The following INPP5F variants were observed in gnomAD, a reference collection of about 807,000 sequenced individuals.
INPP5F encodes the protein inositol polyphosphate-5-phosphatase F.
In INPP5F, 97 loss-of-function variants were observed where a neutral mutation model predicts 137.2. The ratio of observed to expected loss-of-function variants is 0.71; its 90% CI spans 0.60 to 0.84. The LOEUF (loss-of-function observed/expected upper bound fraction) is 0.84, where lower values mean the gene tolerates loss of function less well. Among genes scored for constraint, INPP5F ranks in the 40% least tolerant of loss-of-function variants. INPP5F has a pLI of 0.00. For synonymous variants in INPP5F, 504 were observed against 476.9 expected, an observed-to-expected ratio of 1.06 and a Z score of -0.74; for missense variants, 1,271 against 1,371.9, an observed-to-expected ratio of 0.93 and a Z score of 1.16.
At chr10:119,731,796 T>A (rs957846442) in intron 1 of INPP5F, among the ~76,000 whole-genome samples, 13 of 152,246 alleles carry the variant, frequency 8.5e-5, no homozygotes, top group Non-Finnish European at 1.6e-4. Context: ...GGTTTTTTCT[T>A]AGTGTATTTA....
intron 2 of INPP5F, among the ~76,000 whole-genome samples, chr10:119,763,998 C>T (rs1849081964): frequency 6.6e-6 from 1 of 152,208 alleles, no homozygotes; most frequent in Non-Finnish European, 1.5e-5. Context: ...TCTGAGACTT[C>T]ATCAGAATGC....
Sources: gnomAD v4.1 joint callset for allele counts (sites outside exome capture counted in the v4.1 genomes callset) on GRCh38, gnomAD v4.1.1 for gene constraint, MANE v1.5 for transcripts, NCBI Gene and HGNC (gene_info 2026-07-23, HGNC 2026-07-21) for gene names.